KCND2: variants seen among roughly 807,000 people sequenced by gnomAD.
The protein encoded by KCND2 is A-type voltage-gated potassium channel KCND2.
A neutral mutation model predicts 54.4 loss-of-function variants in KCND2; 16 were observed. The observed-to-expected ratio is 0.29, with a 90% CI of 0.20 to 0.45. The LOEUF (loss-of-function observed/expected upper bound fraction) is 0.45, where lower values mean the gene tolerates loss of function less well. Ranked by LOEUF, KCND2 falls within the 20% of genes least tolerant of loss-of-function variation. The probability of loss-of-function intolerance (pLI) is 1.00; values close to 1 mark genes in which losing one functional copy is unlikely to be tolerated. For missense variants in KCND2, 486 were observed against 824.2 expected, an observed-to-expected ratio of 0.59 and a Z score of 5.02; for synonymous variants, 317 against 310.7, an observed-to-expected ratio of 1.02 and a Z score of -0.21.
chr7:120,322,351 C>T (rs532364946), intron 1 of KCND2, among the ~76,000 whole-genome samples: 50 of 152,050 alleles, frequency 3.3e-4, no homozygotes, highest in Admixed American at 4.6e-4. Context: ...CTGAGACTCA[C>T]GGATATAAAT....
intron 1 of KCND2, among the ~76,000 whole-genome samples, chr7:120,518,981 A>C (rs549965215): frequency 9.7e-4 from 147 of 152,232 alleles, no homozygotes; most frequent in African/African-American, 3.3e-3. Context: ...AAGCATACGG[A>C]GGCCTAGACA....
chr7:120,580,222 A>G (rs1344038992), intron 1 of KCND2, among the ~76,000 whole-genome samples: 2 of 152,244 alleles, frequency 1.3e-5, no homozygotes, highest in Non-Finnish European at 2.9e-5. Flanking sequence ...TCATAGAGTA[A>G]GAAAGACACT....
chr7:120,562,746 C>T (rs549056504), intron 1 of KCND2, among the ~76,000 whole-genome samples: 2 of 152,158 alleles, frequency 1.3e-5, no homozygotes, highest in African/African-American at 2.4e-5. Context: ...AGATTAATTC[C>T]ATAAAATAAA....
intron 1 of KCND2, among the ~76,000 whole-genome samples, chr7:120,410,343 T>C (rs1173917384): frequency 2.0e-5 from 3 of 151,996 alleles, no homozygotes; most frequent in Non-Finnish European, 4.4e-5. Flanking sequence ...TATGTTCTTA[T>C]TGTTTAAAAT....
At chr7:120,658,303 C>T (rs1205508744) in intron 1 of KCND2, among the ~76,000 whole-genome samples, 1 of 152,142 alleles carries the variant, frequency 6.6e-6, no homozygotes, top group East Asian at 1.9e-4. Flanking sequence ...TGTACTCTTT[C>T]ATGGATTAGA....
intron 1 of KCND2, among the ~76,000 whole-genome samples, chr7:120,694,962 G>T (rs148921284): frequency 2.0e-5 from 3 of 151,960 alleles, no homozygotes; most frequent in African/African-American, 7.3e-5. Context: ...TAGCACTTTT[G>T]GTCTTCTCCT....
At chr7:120,631,849 T>C (rs1307299933) in intron 1 of KCND2, among the ~76,000 whole-genome samples, 1 of 152,124 alleles carries the variant, frequency 6.6e-6, no homozygotes, top group East Asian at 1.9e-4. Context: ...ACAGACTCCA[T>C]TTTGAAAGTT....
chr7:120,669,168 G>C (rs1311056935), intron 1 of KCND2, among the ~76,000 whole-genome samples: 1 of 152,016 alleles, frequency 6.6e-6, no homozygotes, highest in East Asian at 1.9e-4. Context: ...AAAAAAAATG[G>C]TGATAGTCTA....
intron 1 of KCND2, among the ~76,000 whole-genome samples, chr7:120,623,425 G>A (rs902567712): frequency 6.6e-6 from 1 of 152,084 alleles, no homozygotes; most frequent in Non-Finnish European, 1.5e-5. Flanking sequence ...TGCTATTGGT[G>A]AGCTGTATGA....
At chr7:120,587,154 T>C (rs1246765017) in intron 1 of KCND2, among the ~76,000 whole-genome samples, 6 of 152,138 alleles carry the variant, frequency 3.9e-5, no homozygotes, top group Non-Finnish European at 8.8e-5. Flanking sequence ...GCAAACAAAA[T>C]GCTCATGTCT....
chr7:120,529,899 G>A (rs1160566888), intron 1 of KCND2, among the ~76,000 whole-genome samples: 1 of 152,026 alleles, frequency 6.6e-6, no homozygotes, highest in African/African-American at 2.4e-5. Context: ...CTGGGCAACA[G>A]GATGAAACTC....
intron 1 of KCND2, among the ~76,000 whole-genome samples, chr7:120,598,125 T>G (rs989066746): frequency 1.1e-4 from 17 of 151,702 alleles, no homozygotes; most frequent in African/African-American, 3.1e-4. Context: ...AATTAAGAAC[T>G]AAGAACAATT....
chr7:120,666,771 T>C (rs1791932405), intron 1 of KCND2, among the ~76,000 whole-genome samples: 1 of 152,010 alleles, frequency 6.6e-6, no homozygotes, highest in Non-Finnish European at 1.5e-5. Context: ...AATGCTTTGA[T>C]TTGCCTCTTT....
intron 1 of KCND2, among the ~76,000 whole-genome samples, chr7:120,418,774 A>G (rs1801565041): frequency 6.6e-6 from 1 of 152,174 alleles, no homozygotes; most frequent in African/African-American, 2.4e-5. Flanking sequence ...CAACTCTGAG[A>G]ATGCCATGTA....
At chr7:120,657,763 G>A (rs1584872211) in intron 1 of KCND2, among the ~76,000 whole-genome samples, 2 of 151,944 alleles carry the variant, frequency 1.3e-5, no homozygotes, top group Admixed American at 6.6e-5. Flanking sequence ...AGTGAGATTC[G>A]CTTGAGCCCA....
chr7:120,410,471 ATAG>A (rs1026446945), intron 1 of KCND2, among the ~76,000 whole-genome samples: 3 of 151,942 alleles, frequency 2.0e-5, no homozygotes, highest in East Asian at 1.9e-4. Context: ...TAGATCACCA[ATAG>A]TAGTATCTTC....
chr7:120,436,412 T>C (rs575785638), intron 1 of KCND2, among the ~76,000 whole-genome samples: 1 of 152,354 alleles, frequency 6.6e-6, no homozygotes, highest in Admixed American at 6.5e-5. Context: ...TAGAATGCAA[T>C]ATTTGATTAA....
intron 1 of KCND2, among the ~76,000 whole-genome samples, chr7:120,279,229 G>C (rs1799226124): frequency 6.6e-6 from 1 of 151,922 alleles, no homozygotes; most frequent in South Asian, 2.1e-4. Context: ...TCATACACAT[G>C]ATCTGGAAAT....
chr7:120,479,136 T>G (rs1355177211), intron 1 of KCND2, among the ~76,000 whole-genome samples: 1 of 152,140 alleles, frequency 6.6e-6, no homozygotes, highest in Non-Finnish European at 1.5e-5. Flanking sequence ...AGATGTGTTG[T>G]GAGGCATTAT....
Sources: gnomAD v4.1 joint callset for allele counts (sites outside exome capture counted in the v4.1 genomes callset) on GRCh38, gnomAD v4.1.1 for gene constraint, MANE v1.5 for transcripts, NCBI Gene and HGNC (gene_info 2026-07-23, HGNC 2026-07-21) for gene names.